Variants in SCLT1 observed in about 807,000 individuals in gnomAD.
SCLT1 encodes sodium channel and clathrin linker 1.
SCLT1 carries 78 observed loss-of-function variants against 112.8 expected under a neutral mutation model. That is an observed-to-expected ratio of 0.69 (90% CI 0.58 to 0.83). SCLT1 has a LOEUF of 0.83. Ranked by LOEUF, SCLT1 falls within the 40% of genes least tolerant of loss-of-function variation. The pLI is 0.00. For synonymous variants in SCLT1, 257 were observed against 254.7 expected (o/e 1.01, Z -0.09); for missense variants, 747 against 770.4 (o/e 0.97, Z 0.36).
intron 20 of SCLT1, 65 bp from the exon 21 acceptor site, chr4:128,884,604 A>G: frequency 1.0e-6 from 1 of 966,474 alleles, no homozygotes; most frequent in Non-Finnish European, 1.7e-6. Flanking sequence ...GATTAATACA[A>G]AGAAGAATGC....
At chr4:129,074,891 G>A (rs1277950192) in intron 2 of SCLT1, among the ~76,000 whole-genome samples, 1 of 152,064 alleles carries the variant, frequency 6.6e-6, no homozygotes, top group African/African-American at 2.4e-5. Flanking sequence ...TTATAGAGAT[G>A]GGGTCTTGCT....
At chr4:129,016,152 A>C (rs1266774111) in intron 5 of SCLT1, among the ~76,000 whole-genome samples, 1 of 152,066 alleles carries the variant, frequency 6.6e-6, no homozygotes, top group Admixed American at 6.5e-5. Flanking sequence ...ATATTAAGCA[A>C]AATTATTTAT....
chr4:129,043,587 T>C, intron 3 of SCLT1, 120 bp from the exon 4 acceptor site: 1 of 570,764 alleles, frequency 1.8e-6, no homozygotes, highest in Non-Finnish European at 3.1e-6. Context: ...AATAAAAACT[T>C]TTCCCTTTTT....
chr4:129,019,966 T>G (rs543686684), intron 5 of SCLT1, among the ~76,000 whole-genome samples: 2 of 152,170 alleles, frequency 1.3e-5, no homozygotes, highest in South Asian at 4.1e-4. Flanking sequence ...TTAAAATCCC[T>G]GAAGAACTCT....
chr4:128,976,977 T>C (rs1256967760), intron 9 of SCLT1, among the ~76,000 whole-genome samples: 3 of 152,278 alleles, frequency 2.0e-5, no homozygotes, highest in East Asian at 3.9e-4. Flanking sequence ...GTACCAATAA[T>C]GGTATCGGAG....
At chr4:128,955,287 C>A (rs1200469499) in intron 13 of SCLT1, among the ~76,000 whole-genome samples, 1 of 152,148 alleles carries the variant, frequency 6.6e-6, no homozygotes, top group Non-Finnish European at 1.5e-5. Context: ...TTTATATAAG[C>A]ATTTTTCCTC....
intron 18 of SCLT1, among the ~76,000 whole-genome samples, chr4:128,923,635 A>G (rs1437155968): frequency 1.3e-5 from 1 of 77,968 alleles, no homozygotes; most frequent in African/African-American, 5.5e-5. Flanking sequence ...AGTCTTCTAT[A>G]TCTGTTTTTT....
intron 6 of SCLT1, among the ~76,000 whole-genome samples, chr4:129,002,665 C>T (rs974813306): frequency 2.0e-5 from 3 of 151,538 alleles, no homozygotes; most frequent in Non-Finnish European, 4.4e-5. Context: ...TTTATGCAGG[C>T]AACAAACATA....
chr4:129,083,867 G>A (rs1699390), intron 1 of SCLT1, among the ~76,000 whole-genome samples: 39,478 of 151,928 alleles, frequency 0.26, 6,300 homozygotes, highest in Non-Finnish European at 0.35. Flanking sequence ...TAAATCCAAA[G>A]AAAGCCAAGT....
At chr4:129,054,558 G>A (rs555579699) in intron 2 of SCLT1, among the ~76,000 whole-genome samples, 2 of 151,944 alleles carry the variant, frequency 1.3e-5, no homozygotes, top group East Asian at 1.9e-4. Flanking sequence ...TGATAGTTAC[G>A]TATGCTTTAC....
At chr4:129,014,262 A>G (rs1443536673) in intron 5 of SCLT1, among the ~76,000 whole-genome samples, 1 of 152,132 alleles carries the variant, frequency 6.6e-6, no homozygotes, top group Non-Finnish European at 1.5e-5. Context: ...ATACTCCTGT[A>G]GCTCAATGAT....
intron 9 of SCLT1, among the ~76,000 whole-genome samples, chr4:128,976,698 A>G (rs1741204879): frequency 6.6e-6 from 1 of 152,236 alleles, no homozygotes; most frequent in Non-Finnish European, 1.5e-5. Flanking sequence ...TATGATTCTG[A>G]GTATGCAGCA....
intron 2 of SCLT1, among the ~76,000 whole-genome samples, chr4:129,068,341 G>T (rs111958930): frequency 6.6e-6 from 1 of 152,164 alleles, no homozygotes; most frequent in Admixed American, 6.5e-5. Context: ...CCTACCAGCA[G>T]TGTAGAAGTG....
chr4:128,997,971 T>C (rs1027513940), intron 7 of SCLT1, 32 bp from the exon 8 acceptor site: 3 of 1,138,942 alleles, frequency 2.6e-6, no homozygotes, highest in South Asian at 4.3e-5. Flanking sequence ...AGTATATAAA[T>C]AGCATTTTGT....
intron 18 of SCLT1, among the ~76,000 whole-genome samples, chr4:128,906,258 C>T (rs1328134286): frequency 2.0e-5 from 3 of 152,042 alleles, no homozygotes; most frequent in African/African-American, 7.2e-5. Context: ...AGTGCAGTGG[C>T]GCGATCTCGG....
chr4:128,997,988 TA>T, intron 7 of SCLT1, 49 bp from the exon 8 acceptor site: 1 of 887,844 alleles, frequency 1.1e-6, no homozygotes, highest in Non-Finnish European at 1.6e-6. Flanking sequence ...TTGTTGTTTA[TA>T]ACCCATATTT....
rs921156011 is a variant in SCLT1 at position 128,970,440 on chromosome 4, C to T, written c.715G>A (p.Val239Ile). The change falls in exon 10 of 21, where the codon GTA (valine) becomes ATA (isoleucine). Residue 239 changes from valine (V) to isoleucine (I), a missense_variant. Coordinates refer to ENST00000281142, the MANE Select transcript of SCLT1 (RefSeq NM_144643.4). The stretch of plus-strand genomic sequence containing the variant: ...TTAGTTAACTCTTCCACTTTTGCTA[C>T]AGCAACTCTCAGCTCTAATTTGGCT... ...RQAKLELRVA[V>I]AKVEELTNVT... 2.5e-6 allele frequency: 4 copies of T among 1,604,562 alleles called. No individual in the cohort carries two copies. In the African/African-American group the frequency reaches 4.0e-5, roughly 16 times the overall value.
At chr4:128,894,680 C>T (rs1391171388) in intron 18 of SCLT1, among the ~76,000 whole-genome samples, 1 of 151,888 alleles carries the variant, frequency 6.6e-6, no homozygotes, top group African/African-American at 2.4e-5. Context: ...CTCACTTTGT[C>T]TTTCTTTTTT....
At chr4:128,879,502 T>A (rs1420461986), downstream of SCLT1, among the ~76,000 whole-genome samples, 5 of 152,224 alleles carry the variant, frequency 3.3e-5, no homozygotes, top group African/African-American at 1.2e-4. Flanking sequence ...ATTCTGGTGT[T>A]GACCAGATCT....
Sources: gnomAD v4.1 joint callset for allele counts (sites outside exome capture counted in the v4.1 genomes callset) on GRCh38, gnomAD v4.1.1 for gene constraint, MANE v1.5 for transcripts, NCBI Gene and HGNC (gene_info 2026-07-23, HGNC 2026-07-21) for gene names.